CSMD2: variants seen among roughly 807,000 people sequenced by gnomAD.
CSMD2 encodes CUB and Sushi multiple domains 2.
CSMD2 carries 130 observed loss-of-function variants against 398.5 expected under a neutral mutation model. The ratio of observed to expected loss-of-function variants is 0.33; its 90% CI spans 0.28 to 0.38. The LOEUF (loss-of-function observed/expected upper bound fraction) is 0.38. Among genes scored for constraint, CSMD2 ranks in the 10% least tolerant of loss-of-function variants. The pLI is 1.00. For synonymous variants in CSMD2, 1,828 were observed against 1,908.5 expected (o/e 0.96, Z 1.10); for missense variants, 3,829 against 4,764.9 (o/e 0.80, Z 5.78).
chr1:34,063,160 C>A (rs1654714326), intron 2 of CSMD2, among the ~76,000 whole-genome samples: 1 of 152,166 alleles, frequency 6.6e-6, no homozygotes, highest in South Asian at 2.1e-4. Context: ...GAGTACAATT[C>A]AAGTTGAGAT....
At chr1:33,793,730 G>C (rs1048470435) in intron 10 of CSMD2, among the ~76,000 whole-genome samples, 1 of 151,650 alleles carries the variant, frequency 6.6e-6, no homozygotes, top group African/African-American at 2.4e-5. Flanking sequence ...GGTAGTGCAG[G>C]TGAACGATGG....
At chr1:33,656,569 T>G (rs545168904) in intron 27 of CSMD2, among the ~76,000 whole-genome samples, 1 of 152,278 alleles carries the variant, frequency 6.6e-6, no homozygotes, top group Admixed American at 6.5e-5. Context: ...CTGCCTCCCA[T>G]TAAGCCTGAG....
chr1:33,724,931 C>T (rs1162960692), intron 17 of CSMD2, among the ~76,000 whole-genome samples: 1 of 152,314 alleles, frequency 6.6e-6, no homozygotes, highest in African/African-American at 2.4e-5. Context: ...GCAGCTCCAG[C>T]TTTCTATGTT....
intron 6 of CSMD2, among the ~76,000 whole-genome samples, chr1:33,836,359 G>C (rs527493657): frequency 6.6e-6 from 1 of 152,198 alleles, no homozygotes; most frequent in Non-Finnish European, 1.5e-5. Flanking sequence ...CTTGAGCTGC[G>C]TGCTGGGAGA....
rs146818597 is a variant in CSMD2, at chr1:33,561,217, T to C, written c.8381-1744A>G. Among the ~76,000 whole-genome samples, 698 of 152,238 alleles carry C rather than the reference T, an allele frequency of 4.6e-3. 1 individual carries two copies. The highest frequency in any genetic ancestry group is 7.1e-3 in the Admixed American group (108 of 15,288). On this transcript the variant is annotated intron_variant, in intron 53 of 70. Coordinates refer to ENST00000373381, the MANE Select transcript of CSMD2 (RefSeq NM_001281956.2). ...AGTTCTCTTCTGTAAATCTCAGTAG[T>C]AGCAACCCTGACTCCAGTGGAGGGA...
intron 2 of CSMD2, among the ~76,000 whole-genome samples, chr1:34,039,277 G>A (rs946235710): frequency 4.6e-5 from 7 of 152,184 alleles, no homozygotes; most frequent in African/African-American, 1.7e-4. Flanking sequence ...GTTGCCAGGA[G>A]GGAGGCTTGA....
chr1:33,707,301 T>C (rs143263141), intron 22 of CSMD2, among the ~76,000 whole-genome samples: 181 of 152,348 alleles, frequency 1.2e-3, no homozygotes, highest in African/African-American at 4.1e-3. Flanking sequence ...TTTGTGCTAA[T>C]GGCCTTCATC....
chr1:33,987,872 C>A (rs1321317590), intron 3 of CSMD2, among the ~76,000 whole-genome samples: 2 of 152,166 alleles, frequency 1.3e-5, no homozygotes, highest in Non-Finnish European at 2.9e-5. Flanking sequence ...TTTCTCCCAG[C>A]CCCCACATCT....
intron 44 of CSMD2, among the ~76,000 whole-genome samples, chr1:33,590,294 A>ATTTTTTTTTTTTTTTTTTTTTTTTTTTT (rs56252015): frequency 1.4e-5 from 1 of 73,862 alleles, no homozygotes; most frequent in Non-Finnish European, 2.5e-5. Flanking sequence ...GCTAATTAAA[A>ATTTTTTTTTTTTTTTTTTTTTTTTTTTT]TTTTTTTTTT....
At chr1:33,594,875 A>G (rs1639733924) in intron 44 of CSMD2, among the ~76,000 whole-genome samples, 1 of 152,244 alleles carries the variant, frequency 6.6e-6, no homozygotes, top group African/African-American at 2.4e-5. Flanking sequence ...AATTTGGAGC[A>G]GCCACAAAGG....
At chr1:33,847,991 T>C (rs1378952380) in intron 5 of CSMD2, among the ~76,000 whole-genome samples, 1 of 152,160 alleles carries the variant, frequency 6.6e-6, no homozygotes, top group Non-Finnish European at 1.5e-5. Flanking sequence ...AAGTAGGCAT[T>C]TCAGGGTTCC....
chr1:34,039,645 C>T (rs1202463331), intron 2 of CSMD2, among the ~76,000 whole-genome samples: 2 of 152,154 alleles, frequency 1.3e-5, no homozygotes, highest in African/African-American at 4.8e-5. Flanking sequence ...AGTGACAAGG[C>T]AGAAGGAGCC....
intron 2 of CSMD2, among the ~76,000 whole-genome samples, chr1:34,058,250 C>G (rs1247733989): frequency 1.3e-5 from 2 of 152,108 alleles, no homozygotes; most frequent in Non-Finnish European, 2.9e-5. Context: ...GTCACTTCCC[C>G]TCTCTCATCC....
At chr1:33,862,456 C>T (rs1639612190) in intron 5 of CSMD2, 1 of 149,644 alleles carries the variant, frequency 6.7e-6, no homozygotes, top group East Asian at 2.0e-4. Context: ...TCCTCATGTC[C>T]CATCTTTTGA....
Position 33,527,221 on chromosome 1 carries a change from C to T in CSMD2, c.10209G>A (p.Arg3403=), listed in dbSNP as rs1182834683. Residue 3403 remains arginine, a synonymous_variant, in exon 65 of 71, where the codon CGG becomes CGA. Transcript: ENST00000373381. ...TCAAGGCTTGGGTGAGCGGTGGCTC[C>T]CGGGCAGTGTTGATGGGTCTCCCAC... is the stretch of plus-strand genomic sequence containing the variant. ...RPSGRPINTA[R]EPPLTQALIP... is the part of the protein sequence containing the mutation. The T allele has an allele frequency of 6.2e-7, 1 of 1,614,078 alleles. No homozygotes were observed. The highest frequency in any genetic ancestry group is 8.5e-7 in the Non-Finnish European group (1 of 1,179,980).
At chr1:34,084,852 C>G (rs1429580159) in intron 2 of CSMD2, among the ~76,000 whole-genome samples, 1 of 152,100 alleles carries the variant, frequency 6.6e-6, no homozygotes, top group Non-Finnish European at 1.5e-5. Context: ...ACTAGAAATA[C>G]CATTTGACCC....
rs1368476580 is a variant in CSMD2, at chr1:33,745,235, A to T, written c.1847-1629T>A. Among the ~76,000 whole-genome samples the T allele has an allele frequency of 7.2e-5, 11 of 152,334 alleles. No homozygotes were observed. The East Asian group carries it at 2.1e-3, about 29-fold the overall frequency. ...CTATTAAATATTTGTTTATAAATGG[A>T]TAAAGACTGGACATAAGCCCCCAAA... On this transcript the variant is annotated intron_variant, in intron 13 of 70. Coordinates refer to ENST00000373381, the MANE Select transcript of CSMD2 (RefSeq NM_001281956.2).
At chr1:33,722,869 GA>G (rs1557789945) in intron 19 of CSMD2, among the ~76,000 whole-genome samples, 1 of 152,010 alleles carries the variant, frequency 6.6e-6, no homozygotes, top group African/African-American at 2.4e-5. Context: ...TCTAGTGCTG[GA>G]GTTTATGTGA....
intron 3 of CSMD2, among the ~76,000 whole-genome samples, chr1:33,987,310 C>A (rs1390702608): frequency 6.6e-6 from 1 of 152,158 alleles, no homozygotes; most frequent in Non-Finnish European, 1.5e-5. Context: ...TGGTATTACA[C>A]TATTCTATGT....
Sources: allele counts gnomAD v4.1 joint callset (sites outside exome capture counted in the v4.1 genomes callset), GRCh38; gene constraint gnomAD v4.1.1; transcripts MANE v1.5; gene names NCBI Gene and HGNC (gene_info 2026-07-23, HGNC 2026-07-21).